DPY19L3: variants seen among roughly 807,000 people sequenced by gnomAD.
DPY19L3 encodes dpy-19 like C-mannosyltransferase 3, also known as protein C-mannosyl-transferase DPY19L3.
DPY19L3 carries 51 observed loss-of-function variants against 92.3 expected under a neutral mutation model. The ratio of observed to expected loss-of-function variants is 0.55; its 90% CI spans 0.44 to 0.70. The LOEUF is 0.70. Ranked by LOEUF, DPY19L3 falls within the 30% of genes least tolerant of loss-of-function variation. The probability of loss-of-function intolerance (pLI) is 0.00; values close to 1 mark genes in which losing one functional copy is unlikely to be tolerated. For synonymous variants in DPY19L3, 309 were observed against 315.2 expected, an observed-to-expected ratio of 0.98 and a Z score of 0.21; for missense variants, 706 against 855.9, an observed-to-expected ratio of 0.82 and a Z score of 2.18.
At chr19:32,473,864 C>T (rs572354342) in intron 16 of DPY19L3, among the ~76,000 whole-genome samples, 20 of 152,274 alleles carry the variant, frequency 1.3e-4, no homozygotes, top group East Asian at 3.9e-4. Context: ...AGTGCAGTGG[C>T]GTGATCTCGG....
intron 2 of DPY19L3, among the ~76,000 whole-genome samples, chr19:32,410,731 C>T (rs1429822114): frequency 1.3e-5 from 2 of 152,088 alleles, no homozygotes; most frequent in South Asian, 2.1e-4. Context: ...TGCAGTGAAC[C>T]GAGATTGCAC....
At chr19:32,477,845 A>T (rs1400692484) in intron 17 of DPY19L3, among the ~76,000 whole-genome samples, 191 bp downstream of exon 17, 1 of 152,190 alleles carries the variant, frequency 6.6e-6, no homozygotes, top group African/African-American at 2.4e-5. Flanking sequence ...GAGAGGTTTA[A>T]TTGACTTACA....
At chr19:32,431,750 A>C (rs1454932586) in intron 3 of DPY19L3, among the ~76,000 whole-genome samples, 2 of 152,216 alleles carry the variant, frequency 1.3e-5, no homozygotes, top group African/African-American at 4.8e-5. Context: ...TCAGAAAACA[A>C]AGGTGTCACT....
chr19:32,457,521 G>A (rs1969903304), intron 10 of DPY19L3, among the ~76,000 whole-genome samples: 2 of 152,186 alleles, frequency 1.3e-5, no homozygotes, highest in Admixed American at 6.5e-5. Flanking sequence ...CACCATTTAT[G>A]TTATTATATA....
chr19:32,410,518 C>T (rs892411165), intron 2 of DPY19L3, among the ~76,000 whole-genome samples: 15 of 152,098 alleles, frequency 9.9e-5, no homozygotes, highest in African/African-American at 3.4e-4. Flanking sequence ...GTGGCTCATG[C>T]CCGTAATCCC....
chr19:32,420,938 A>G (rs1441105501), intron 3 of DPY19L3, among the ~76,000 whole-genome samples: 1 of 152,138 alleles, frequency 6.6e-6, no homozygotes, highest in Admixed American at 6.5e-5. Context: ...TCTTCATCCT[A>G]AGTGCCTAAA....
At position 32,484,229 on chromosome 19, in the gene DPY19L3, T is replaced by TC. The variant is rs1970743432; in HGVS notation, c.*1989_*1990insC. On this transcript the variant is annotated 3_prime_UTR_variant, in exon 19 of 19. Coordinates refer to ENST00000392250, the MANE Select transcript of DPY19L3 (RefSeq NM_001172774.2). The stretch of plus-strand genomic sequence containing the variant: ...AATCTTGCAAGACAGAATCCATACT[T>TC]AACACTCTTTCCAAGACACTGTGAC... 1 of 152,538 alleles carries TC rather than the reference T, an allele frequency of 6.6e-6. No individual in the cohort carries two copies. The highest frequency in any genetic ancestry group is 6.5e-5 in the Admixed American group (1 of 15,268). 9.4% of individuals were successfully genotyped at this position (152,538 alleles called of 1,614,324 possible).
rs1236593963 is a variant in DPY19L3, at chr19:32,485,101, C to T, written c.*2861C>T. The stretch of plus-strand genomic sequence containing the variant: ...TTGGACCCTTAGGCAAAGGAAAATC[C>T]GTGTCTTTATATCAGAAGATCGGCA... On this transcript the variant is annotated 3_prime_UTR_variant, in exon 19 of 19. Coordinates refer to ENST00000392250, the MANE Select transcript of DPY19L3 (RefSeq NM_001172774.2). The T allele has an allele frequency of 6.6e-6, 1 of 152,048 alleles. No individual in the cohort carries two copies. The allele number at this position is 152,048 out of a possible 1,614,324, so 9.4% of individuals were successfully genotyped here.
intron 13 of DPY19L3, 139 bp from the exon 14 acceptor site, chr19:32,463,730 C>A (rs1418441858): frequency 3.4e-6 from 3 of 883,756 alleles, no homozygotes; most frequent in Admixed American, 2.3e-5. Context: ...AAACAACGAA[C>A]CCTTCGGCAA....
At chr19:32,452,427 T>C (rs992288155) in intron 8 of DPY19L3, among the ~76,000 whole-genome samples, 1 of 152,176 alleles carries the variant, frequency 6.6e-6, no homozygotes, top group African/African-American at 2.4e-5. Flanking sequence ...CAAGGAATGA[T>C]ACAGTCCTAA....
rs1014693869 is a variant in DPY19L3 at position 32,485,177 on chromosome 19, T to C, written c.*2937T>C. ...GTTATGATTCCCTACTTTAACCTAC[T>C]TACTTTATTAAATGACCAACTACTG... On this transcript the variant is annotated 3_prime_UTR_variant, in exon 19 of 19. Coordinates refer to ENST00000392250, the MANE Select transcript of DPY19L3 (RefSeq NM_001172774.2). 6.6e-6 allele frequency: 1 copy of C among 152,218 alleles called. No individual in the cohort carries two copies. The highest frequency in any genetic ancestry group is 1.5e-5 in the Non-Finnish European group (1 of 68,024). The allele number at this position is 152,218 out of a possible 1,614,324, so 9.4% of individuals were successfully genotyped here. A position where few individuals can be genotyped will look rare whatever the true frequency, so the allele number is the denominator to read the frequency against.
At chr19:32,459,186 A>C (rs1368142700) in intron 12 of DPY19L3, among the ~76,000 whole-genome samples, 1 of 152,234 alleles carries the variant, frequency 6.6e-6, no homozygotes, top group Non-Finnish European at 1.5e-5. Flanking sequence ...GAAAGAAAAA[A>C]ATCAGGAGTA....
At chr19:32,478,020 C>G (rs964643903) in intron 17 of DPY19L3, among the ~76,000 whole-genome samples, 2 of 152,124 alleles carry the variant, frequency 1.3e-5, no homozygotes, top group African/African-American at 2.4e-5. Context: ...GAGAACAGCA[C>G]GGGAAAGACT....
chr19:32,468,833 CT>C lies in DPY19L3; in HGVS notation c.1697+24del. 1 of 1,606,776 alleles carries C rather than the reference CT, an allele frequency of 6.2e-7. No individual in the cohort carries two copies. The highest frequency in any genetic ancestry group is 1.1e-5 in the South Asian group (1 of 89,410). On this transcript the variant is annotated intron_variant, in intron 16 of 18. Coordinates refer to ENST00000392250, the MANE Select transcript of DPY19L3 (RefSeq NM_001172774.2). ...GATTAAGTAAGAGGATTTTTTTTAACTTTTAAAATTTTAAGTGCCTTTTAAG... is the reference window on the plus strand; with the variant it reads ...GATTAAGTAAGAGGATTTTTTTTAACTTTAAAATTTTAAGTGCCTTTTAAG...
At chr19:32,444,105 A>G (rs868621175) in intron 8 of DPY19L3, among the ~76,000 whole-genome samples, 3 of 152,034 alleles carry the variant, frequency 2.0e-5, no homozygotes, top group Admixed American at 6.5e-5. Context: ...GAAAAGAGAC[A>G]ATCAATAGAT....
chr19:32,447,407 T>TA (rs1969534543), intron 8 of DPY19L3, among the ~76,000 whole-genome samples: 1 of 152,106 alleles, frequency 6.6e-6, no homozygotes, highest in African/African-American at 2.4e-5. Context: ...AAAACATGAA[T>TA]AATAGAATTA....
intron 3 of DPY19L3, among the ~76,000 whole-genome samples, chr19:32,417,225 T>A (rs368137103): frequency 6.6e-6 from 1 of 152,218 alleles, no homozygotes; most frequent in Non-Finnish European, 1.5e-5. Context: ...TTCCCACATG[T>A]TGTGGGAGGG....
intron 8 of DPY19L3, among the ~76,000 whole-genome samples, chr19:32,451,587 T>G (rs1242280993): frequency 6.6e-6 from 1 of 152,210 alleles, no homozygotes; most frequent in Admixed American, 6.5e-5. Flanking sequence ...GATTTGCTGC[T>G]AAATAAAACG....
chr19:32,428,884 G>A (rs933902516), intron 3 of DPY19L3, among the ~76,000 whole-genome samples: 1 of 148,252 alleles, frequency 6.7e-6, no homozygotes, highest in African/African-American at 2.5e-5. Context: ...GTCTCACTCT[G>A]TCTCCCAGGC....
Sources: gnomAD v4.1 joint callset for allele counts (sites outside exome capture counted in the v4.1 genomes callset) on GRCh38, gnomAD v4.1.1 for gene constraint, MANE v1.5 for transcripts, NCBI Gene and HGNC (gene_info 2026-07-23, HGNC 2026-07-21) for gene names.